Variants in CC2D2B observed in about 807,000 individuals in gnomAD.
CC2D2B encodes protein CC2D2B.
A neutral mutation model predicts 161.2 loss-of-function variants in CC2D2B; 128 were observed. The ratio of observed to expected loss-of-function variants is 0.79; its 90% CI spans 0.69 to 0.92. The LOEUF (loss-of-function observed/expected upper bound fraction) is 0.92, where lower values mean the gene tolerates loss of function less well. Among genes scored for constraint, CC2D2B ranks in the 40% least tolerant of loss-of-function variants. The pLI is 0.00. For synonymous variants in CC2D2B, 391 were observed against 449.8 expected, an observed-to-expected ratio of 0.87 and a Z score of 1.65; for missense variants, 1,173 against 1,375.1, an observed-to-expected ratio of 0.85 and a Z score of 2.32.
In CC2D2B at chr10:95,932,698, A is replaced by C. The variant is rs181469679; in HGVS notation, c.337-5293A>C. On this transcript the variant is annotated intron_variant, in intron 6 of 34. Transcript: ENST00000646931. The stretch of plus-strand genomic sequence containing the variant: ...AAAATTCTTTTCTTTAAGAATGTTG[A>C]ATATTGGCCCCCACTCTTTTCTGGC... 2.0e-5 allele frequency among the ~76,000 whole-genome samples: 3 copies of C among 152,286 alleles called. No individual in the cohort carries two copies. The East Asian group carries it at 5.8e-4, about 29-fold the overall frequency.
In CC2D2B at chr10:96,012,661, T is replaced by C. The variant is rs755752801; in HGVS notation, c.3358T>C (p.Tyr1120His). The change falls in exon 28 of 35, where the codon TAT becomes CAT. Residue 1120 changes from tyrosine to histidine, a missense_variant. Physicochemically the swap from Tyr to His is moderately conservative, Grantham distance 83. This residue lies in a region of CC2D2B where 598 missense variants were observed against 693.2 expected (regional missense o/e 0.86). Coordinates refer to ENST00000646931, the MANE Select transcript of CC2D2B (RefSeq NM_001349008.3). ...AGGGATACAGTTCTTAGTCACAAGA[T>C]ATATCAAGGCATTAAATCCACCTCA... ...DEGIQFLVTR[Y>H]IKALNPPQQL... The C allele has an allele frequency of 5.6e-6, 9 of 1,611,366 alleles. No individual in the cohort carries two copies. The East Asian group carries it at 2.0e-4, about 36-fold the overall frequency.
chr10:95,993,819 G>GTA (rs2078055063), intron 22 of CC2D2B, among the ~76,000 whole-genome samples: 1 of 139,154 alleles, frequency 7.2e-6, no homozygotes. Flanking sequence ...TATATAGAGT[G>GTA]TATATATAAA....
rs1163529835 is a variant in CC2D2B at position 96,006,359 on chromosome 10, A to AAT, written c.2946+2121_2946+2122dup. Among the ~76,000 whole-genome samples, 11 of 148,686 alleles carry AAT rather than the reference A, an allele frequency of 7.4e-5. No individual in the cohort carries two copies. The East Asian group carries it at 1.2e-3, about 16-fold the overall frequency. On this transcript the variant is annotated intron_variant, in intron 25 of 34. Coordinates refer to ENST00000646931, the MANE Select transcript of CC2D2B (RefSeq NM_001349008.3). ...TATATTATATACATAGAATTTATAT[A>AAT]ATATATATATACATAACATTTCTTG... is the stretch of plus-strand genomic sequence containing the variant.
At position 96,032,867 on chromosome 10, in the gene CC2D2B, C is replaced by T. The variant is rs575546134; in HGVS notation, c.*859C>T. The T allele has an allele frequency of 1.8e-5, 8 of 441,810 alleles. No homozygotes were observed. The highest frequency in any genetic ancestry group is 3.7e-5 in the Non-Finnish European group (8 of 215,272). The allele number at this position is 441,810 out of a possible 1,614,324, so 27.4% of individuals were successfully genotyped here. On this transcript the variant is annotated 3_prime_UTR_variant, in exon 35 of 35. Coordinates refer to ENST00000646931, the MANE Select transcript of CC2D2B (RefSeq NM_001349008.3). ...TTTCCTTAGTGAGCAGCCCCCAACT[C>T]TGCCTCTGGCACTTTTTGCTGCTTT...
intron 1 of CC2D2B, 196 bp from the exon 2 acceptor site, chr10:95,911,105 A>G (rs967483599): frequency 1.7e-5 from 3 of 173,364 alleles, no homozygotes; most frequent in African/African-American, 7.0e-5. Flanking sequence ...TCTTTTGCAC[A>G]TCTTATTGCA....
At chr10:95,987,174 A>G (rs1185028638) in intron 19 of CC2D2B, among the ~76,000 whole-genome samples, 3 of 152,024 alleles carry the variant, frequency 2.0e-5, no homozygotes, top group African/African-American at 7.2e-5. Flanking sequence ...AAATACAAAA[A>G]TTAGCCAGGT....
intron 29 of CC2D2B, among the ~76,000 whole-genome samples, chr10:96,014,836 T>G (rs554049826): frequency 6.6e-6 from 1 of 152,208 alleles, no homozygotes; most frequent in Non-Finnish European, 1.5e-5. Flanking sequence ...CTGTTCACAC[T>G]GTTCTTTCAG....
At chr10:96,018,039 C>T (rs1372556788) in intron 30 of CC2D2B, among the ~76,000 whole-genome samples, 1 of 152,206 alleles carries the variant, frequency 6.6e-6, no homozygotes, top group African/African-American at 2.4e-5. Context: ...AGTAATGCCA[C>T]TCACAGGCTC....
chr10:95,954,255 A>G (rs1212461408), intron 10 of CC2D2B, among the ~76,000 whole-genome samples: 1 of 152,088 alleles, frequency 6.6e-6, no homozygotes, highest in Non-Finnish European at 1.5e-5. Context: ...GCATGTGTGT[A>G]TATTATTTCT....
intron 2 of CC2D2B, chr10:95,919,809 T>C (rs2098523238): frequency 6.6e-6 from 1 of 151,036 alleles, no homozygotes; most frequent in Admixed American, 6.6e-5. Flanking sequence ...GGGCCTGGGG[T>C]CAGGGGTTTT....
At position 95,964,083 on chromosome 10, in the gene CC2D2B, T is replaced by C. The variant is rs534089998; in HGVS notation, c.1251-1813T>C. ...TGCTCTCTGTTTGGCACTGCCTACC[T>C]GGAGAAGATTCAGATAACTGCCAAA... On this transcript the variant is annotated intron_variant, in intron 12 of 34. Coordinates refer to ENST00000646931, the MANE Select transcript of CC2D2B (RefSeq NM_001349008.3). Among the ~76,000 whole-genome samples, 10 of 152,308 alleles carry C rather than the reference T, an allele frequency of 6.6e-5. No individual in the cohort carries two copies. The East Asian group carries it at 1.3e-3, about 21-fold the overall frequency.
At chr10:96,030,419 A>G (rs1430459927) in intron 34 of CC2D2B, among the ~76,000 whole-genome samples, 1 of 152,058 alleles carries the variant, frequency 6.6e-6, no homozygotes, top group Non-Finnish European at 1.5e-5. Flanking sequence ...CAGCCTCCCA[A>G]GAGTGAGACT....
At chr10:96,025,192 A>ATATATATATATAT (rs1554853793) in intron 33 of CC2D2B, among the ~76,000 whole-genome samples, 2 of 49,204 alleles carry the variant, frequency 4.1e-5, no homozygotes, top group Admixed American at 2.6e-4. Flanking sequence ...TATAAAAAAA[A>ATATATATATATAT]ATATATATAT....
At chr10:95,962,941 G>C (rs1192463769) in intron 12 of CC2D2B, among the ~76,000 whole-genome samples, 1 of 152,086 alleles carries the variant, frequency 6.6e-6, no homozygotes, top group East Asian at 1.9e-4. Context: ...AGGAGACACA[G>C]ATGTCGTAGG....
chr10:95,926,432 T>A (rs1590369911), intron 5 of CC2D2B, among the ~76,000 whole-genome samples: 1 of 152,246 alleles, frequency 6.6e-6, no homozygotes, highest in Admixed American at 6.5e-5. Flanking sequence ...AACTTTTAAG[T>A]TAATATGATG....
chr10:95,938,704 A>C lies in CC2D2B; in HGVS notation c.671A>C (p.Glu224Ala). The C allele has an allele frequency of 1.4e-6, 1 of 710,606 alleles. No individual in the cohort carries two copies. Among genetic ancestry groups the C allele is most frequent in the East Asian group, 2.7e-5 (1 of 37,234 alleles). 44.0% of individuals were successfully genotyped at this position (710,606 alleles called of 1,614,324 possible). Residue 224 changes from glutamate to alanine, a missense_variant and splice_region_variant, in exon 8 of 35, where the codon GAG becomes GCG. By Grantham distance (107) the Glu-to-Ala change is moderately radical. Coordinates refer to ENST00000646931, the MANE Select transcript of CC2D2B (RefSeq NM_001349008.3). The stretch of plus-strand genomic sequence containing the variant: ...GAAAATCGCCTGCTTAAACTAGAAG[A>C]GGCAAGTGCACCACCTAACAAGTTA... ...KMENRLLKLE[E>A]GKCWFGESGE...
chr10:95,938,117 GCTGA>G lies in CC2D2B; in HGVS notation c.466_469del (p.Asp156MetfsTer8), dbSNP rs1009704456. The G allele has an allele frequency of 1.3e-6, 2 of 1,549,682 alleles. No homozygotes were observed. The highest frequency in any genetic ancestry group is 2.7e-5 in the African/African-American group (2 of 72,982). On this transcript the variant is annotated frameshift_variant, in exon 7 of 35. Coordinates refer to ENST00000646931, the MANE Select transcript of CC2D2B (RefSeq NM_001349008.3). LOFTEE classifies it high-confidence loss of function. ...GACAGATATACTCAAAGTAAAAGCT[GCTGA>G]CTATGAAGATGATCAAGAACAAATA...
In CC2D2B at chr10:96,004,208, A is replaced by G. The variant is rs2078650570; in HGVS notation, c.2906A>G (p.Tyr969Cys). 2.6e-6 allele frequency: 4 copies of G among 1,551,348 alleles called. No individual in the cohort carries two copies. The highest frequency in any genetic ancestry group is 2.0e-5 in the Admixed American group (1 of 49,182). The stretch of plus-strand genomic sequence containing the variant: ...TTATCTAAAATAAAAGATAACATAT[A>G]TATCAACATTTTTGATGAAATGATG... ...SSLSKIKDNI[Y>C]INIFDEMMTE... is the part of the protein sequence containing the mutation. Residue 969 changes from tyrosine to cysteine, a missense_variant, in exon 25 of 35, where the codon TAT becomes TGT. Tyr to Cys is a radical substitution (Grantham distance 194, BLOSUM62 -2). Transcript: ENST00000646931.
intron 33 of CC2D2B, among the ~76,000 whole-genome samples, chr10:96,025,725 G>A (rs1164112267): frequency 6.6e-6 from 1 of 152,154 alleles, no homozygotes. Context: ...AAGCCCAAAG[G>A]GCCACAGGCT....
Sources: gnomAD v4.1 joint callset for allele counts (sites outside exome capture counted in the v4.1 genomes callset) on GRCh38, gnomAD v4.1.1 for gene constraint, gnomAD v4.1.1 regional missense constraint, MANE v1.5 for transcripts, NCBI Gene and HGNC (gene_info 2026-07-23, HGNC 2026-07-21) for gene names.